The following POLD1 variants were observed in gnomAD, a reference collection of about 807,000 sequenced individuals.
POLD1 encodes DNA polymerase delta 1, catalytic subunit.
POLD1 carries 79 observed loss-of-function variants against 129.7 expected under a neutral mutation model. The ratio of observed to expected loss-of-function variants is 0.61; its 90% CI spans 0.51 to 0.73. The LOEUF is 0.73. POLD1 is among the 30% of genes least tolerant of loss of function. The probability of loss-of-function intolerance (pLI) is 0.00; values close to 1 mark genes in which losing one functional copy is unlikely to be tolerated. For missense variants in POLD1, 1,338 were observed against 1,595.8 expected, an observed-to-expected ratio of 0.84 and a Z score of 2.75; for synonymous variants, 714 against 683.3, an observed-to-expected ratio of 1.04 and a Z score of -0.70.
At chr19:50,405,846 C>T (rs1450881659) in intron 10 of POLD1, among the ~76,000 whole-genome samples, 1 of 152,160 alleles carries the variant, frequency 6.6e-6, no homozygotes, top group African/African-American at 2.4e-5. Flanking sequence ...CCTGCCTCTG[C>T]CCCCACCTGG....
chr19:50,414,903 G>T lies in POLD1; in HGVS notation c.2477G>T (p.Cys826Phe). Residue 826 changes from cysteine to phenylalanine, a missense_variant, in exon 20 of 27, where the codon TGC (cysteine) becomes TTC (phenylalanine). Physicochemically the swap from Cys to Phe is radical, Grantham distance 205. This residue lies in a region of POLD1 where 720 missense variants were observed against 1,002.6 expected (regional missense o/e 0.72). Coordinates refer to ENST00000440232, the MANE Select transcript of POLD1 (RefSeq NM_002691.4). ...CCCGACGCCCACGACCGCATGGACT[G>T]CAAGGGCCTGGAGGCCGTGCGCAGG... ...SRPDAHDRMD[C>F]KGLEAVRRDN... 1 of 1,610,194 alleles carries T rather than the reference G, an allele frequency of 6.2e-7. No individual in the cohort carries two copies. The highest frequency in any genetic ancestry group is 1.1e-5 in the South Asian group (1 of 90,682).
rs1003686516 is a variant in POLD1 at position 50,406,645 on chromosome 19, C to T, written c.1494+128C>T. On this transcript the variant is annotated intron_variant, in intron 12 of 26. Coordinates refer to ENST00000440232, the MANE Select transcript of POLD1 (RefSeq NM_002691.4). This position sits in a 1 kb window ranked among gnomAD's most constrained non-coding sequence, Gnocchi z 5.5. ...TTTGACCTGCTGTTATGACCTGTGA[C>T]CTTACCTGACGCCCACTTTTTCCTG... The T allele has an allele frequency of 2.8e-6, 2 of 716,300 alleles. No homozygotes were observed. The highest frequency in any genetic ancestry group is 4.8e-6 in the Non-Finnish European group (2 of 415,548). 44.4% of individuals were successfully genotyped at this position (716,300 alleles called of 1,614,324 possible). A position where few individuals can be genotyped will look rare whatever the true frequency, so the allele number is the denominator to read the frequency against.
At chr19:50,390,969 T>G (rs565647706) in intron 1 of POLD1, among the ~76,000 whole-genome samples, 10 of 152,312 alleles carry the variant, frequency 6.6e-5, no homozygotes, top group African/African-American at 2.4e-4. Flanking sequence ...CTATGTCTAC[T>G]TCTTTCTACA....
At chr19:50,394,737 C>G (rs1344271232) in intron 1 of POLD1, among the ~76,000 whole-genome samples, 3 of 152,146 alleles carry the variant, frequency 2.0e-5, no homozygotes, top group Non-Finnish European at 4.4e-5. Flanking sequence ...GACAGCTGAC[C>G]TGCTCACCTG....
At chr19:50,394,189 G>A (rs1188689189) in intron 1 of POLD1, 1 of 152,246 alleles carries the variant, frequency 6.6e-6, no homozygotes, top group Non-Finnish European at 1.5e-5. Context: ...GGGGAAGAGG[G>A]TGGGAGGATG....
At position 50,416,681 on chromosome 19, in the gene POLD1, C is replaced by T. The variant is rs753844112; in HGVS notation, c.3025C>T (p.Arg1009Cys). 28 of 1,553,368 alleles carry T rather than the reference C, an allele frequency of 1.8e-5. No individual in the cohort carries two copies. Among genetic ancestry groups the T allele is most frequent in the Middle Eastern group, 2.0e-4 (1 of 4,932 alleles). Reference sequence around the variant, plus strand: ...CGGCCTCCTGGCCTTCGCCAAACGCCGCAACTGCTGCATTGGCTGCCGCAC... The same window carrying T: ...CGGCCTCCTGGCCTTCGCCAAACGCTGCAACTGCTGCATTGGCTGCCGCAC... ...VGGLLAFAKR[R>C]NCCIGCRTVL... The change falls in exon 24 of 27, where the codon CGC becomes TGC. Residue 1009 changes from arginine (R) to cysteine (C), a missense_variant. Around this residue, in one of 3 missense-constraint regions of POLD1, gnomAD observed 286 missense variants for 277.5 expected, o/e 1.03. Transcript: ENST00000440232.
At chr19:50,407,786 A>C (rs1487772789) in intron 14 of POLD1, among the ~76,000 whole-genome samples, 1 of 137,070 alleles carries the variant, frequency 7.3e-6, no homozygotes, top group Non-Finnish European at 1.5e-5. Context: ...CGTGTTAGCC[A>C]GGATGGTCTC....
At chr19:50,390,730 G>C (rs948722976) in intron 1 of POLD1, among the ~76,000 whole-genome samples, 9 of 152,100 alleles carry the variant, frequency 5.9e-5, no homozygotes, top group African/African-American at 2.2e-4. Context: ...GCGGCCTTCC[G>C]CAGTGTTTGT....
intron 1 of POLD1, among the ~76,000 whole-genome samples, chr19:50,386,756 T>C (rs1010605979): frequency 6.6e-6 from 1 of 152,086 alleles, no homozygotes; most frequent in Non-Finnish European, 1.5e-5. Flanking sequence ...TGCTCTGCCA[T>C]CCAGAGGTCC....
intron 17 of POLD1, chr19:50,410,980 CAG>C (rs2039069706): frequency 2.0e-5 from 2 of 99,164 alleles, no homozygotes; most frequent in African/African-American, 1.7e-4. Flanking sequence ...TTTTTTGAGA[CAG>C]AGTCTCACTC....
rs761250116 is a variant in POLD1 at position 50,402,470 on chromosome 19, G to A, written c.775G>A (p.Asp259Asn). 1 of 1,612,638 alleles carries A rather than the reference G, an allele frequency of 6.2e-7. No individual in the cohort carries two copies. Reference sequence around the variant, plus strand: ...CCCCTCCAGGTTCATGGTGGACACGGACATCGTCGGCTGCAACTGGCTGGA... The same window carrying A: ...CCCCTCCAGGTTCATGGTGGACACGAACATCGTCGGCTGCAACTGGCTGGA... ...DFEIRFMVDT[D>N]IVGCNWLELP... The change falls in exon 7 of 27, where the codon GAC becomes AAC. Residue 259 changes from aspartate (D) to asparagine (N), a missense_variant. Asp to Asn is a conservative substitution (Grantham distance 23, BLOSUM62 1). This residue lies in a region of POLD1 where 720 missense variants were observed against 1,002.6 expected (regional missense o/e 0.72). Transcript: ENST00000440232.
chr19:50,416,867 C>A (rs1263779890), intron 24 of POLD1, 144 bp downstream of exon 24: 13 of 944,184 alleles, frequency 1.4e-5, no homozygotes, highest in South Asian at 1.7e-5. Context: ...CTCCACCCCC[C>A]ACAGAGGGTC....
Position 50,408,673 on chromosome 19 carries a change from C to T in POLD1, c.1776-112C>T, listed in dbSNP as rs1305266020. The T allele has an allele frequency of 3.3e-6, 5 of 1,505,108 alleles. No individual in the cohort carries two copies. In the African/African-American group the frequency reaches 4.2e-5, roughly 13 times the overall value. 93.2% of individuals were successfully genotyped at this position (1,505,108 alleles called of 1,614,324 possible). A position where few individuals can be genotyped will look rare whatever the true frequency, so the allele number is the denominator to read the frequency against. ...GCTGGGATTGCAGGAGCGAGCACTG[C>T]TCCCAGCCAATGAATGATTTTTTTT... On this transcript the variant is annotated intron_variant, in intron 14 of 26. Transcript: ENST00000440232.
intron 1 of POLD1, among the ~76,000 whole-genome samples, chr19:50,396,670 C>T (rs1041086239): frequency 4.0e-5 from 6 of 150,744 alleles, no homozygotes; most frequent in Non-Finnish European, 8.9e-5. Context: ...TTAGTAGAGA[C>T]GGGGTTTCAC....
At position 50,401,932 on chromosome 19, in the gene POLD1, G is replaced by T. The variant is rs1726802; in HGVS notation, c.463+8G>T. 0.092 allele frequency: 148,211 copies of T among 1,613,850 alleles called. 9,681 individuals are homozygous for T. Among genetic ancestry groups the T allele is most frequent in the African/African-American group, 0.3 (22,132 of 74,960 alleles). ...ACACCCCAGCGCCCCCTGGTGAGTG[G>T]CCCCTACCCAGCCCCTCCCTGAGCC... On this transcript the variant is annotated splice_region_variant and intron_variant, in intron 4 of 26. Transcript: ENST00000440232.
In POLD1 at chr19:50,414,944, G is replaced by T; in HGVS notation, c.2518G>T (p.Val840Leu). The change falls in exon 20 of 27, where the codon GTG (valine) becomes TTG (leucine). Residue 840 changes from valine to leucine, a missense_variant. Around this residue, in one of 3 missense-constraint regions of POLD1, gnomAD observed 720 missense variants for 1,002.6 expected, o/e 0.72. Transcript: ENST00000440232. ...EAVRRDNCPLVANLVTASLRR... is the reference protein window; with the variant it reads ...EAVRRDNCPLLANLVTASLRR... ...CGTGCGCAGGGACAACTGCCCCCTC[G>T]TGGCCAACCTGGTCACTGCCTCACT... The T allele has an allele frequency of 6.2e-7, 1 of 1,607,598 alleles. No homozygotes were observed.
chr19:50,408,657 G>C (rs1291029799), intron 14 of POLD1, 128 bp from the exon 15 acceptor site: 1 of 1,387,564 alleles, frequency 7.2e-7, no homozygotes, highest in Non-Finnish European at 9.8e-7. Context: ...TGCTGGGATT[G>C]CAGGAGCGAG....
intron 17 of POLD1, among the ~76,000 whole-genome samples, chr19:50,413,178 G>C (rs1238257614): frequency 6.6e-6 from 1 of 152,202 alleles, no homozygotes; most frequent in African/African-American, 2.4e-5. Flanking sequence ...TGCATTTGAT[G>C]TAGTCACTTC....
chr19:50,385,241 A>G (rs574365918), intron 1 of POLD1, among the ~76,000 whole-genome samples: 1 of 152,296 alleles, frequency 6.6e-6, no homozygotes, highest in Admixed American at 6.5e-5. Flanking sequence ...CTGCAGGCAG[A>G]GAATCAGGCT....
Sources: gnomAD v4.1 joint callset for allele counts (sites outside exome capture counted in the v4.1 genomes callset) on GRCh38, gnomAD v4.1.1 for gene constraint, gnomAD v4.1.1 regional missense constraint, Gnocchi (gnomAD v3.1) non-coding constraint, MANE v1.5 for transcripts, NCBI Gene and HGNC (gene_info 2026-07-23, HGNC 2026-07-21) for gene names.